The following SLC22A16 variants were observed in gnomAD, a reference collection of about 807,000 sequenced individuals.
SLC22A16 encodes WUGSC:RG331P03.1.
In SLC22A16, 53 loss-of-function variants were observed where a neutral mutation model predicts 52.9. That is an observed-to-expected ratio of 1.00 (90% CI 0.80 to 1.26). The LOEUF (loss-of-function observed/expected upper bound fraction) is 1.26. Among genes scored for constraint, SLC22A16 ranks in the 50% most tolerant of loss-of-function variants. The pLI is 0.00. For missense variants in SLC22A16, 726 were observed against 704.0 expected, an observed-to-expected ratio of 1.03 and a Z score of -0.35; for synonymous variants, 291 against 268.8, an observed-to-expected ratio of 1.08 and a Z score of -0.81.
intron 3 of SLC22A16, among the ~76,000 whole-genome samples, chr6:110,445,105 T>C (rs7768417): frequency 0.29 from 44,657 of 151,980 alleles, 6,922 homozygotes; most frequent in East Asian, 0.43. Flanking sequence ...CCAGAATTCC[T>C]GGAATCCCTT....
chr6:110,468,046 T>C (rs1407646058), intron 1 of SLC22A16, among the ~76,000 whole-genome samples: 2 of 152,254 alleles, frequency 1.3e-5, no homozygotes, highest in Non-Finnish European at 2.9e-5. Context: ...ATTTGAAGTC[T>C]TGTGGCTATC....
At chr6:110,469,595 A>T (rs1362940574) in intron 1 of SLC22A16, among the ~76,000 whole-genome samples, 2 of 152,302 alleles carry the variant, frequency 1.3e-5, no homozygotes, top group Non-Finnish European at 2.9e-5. Context: ...ACTTTAAAGC[A>T]TGTTCACACT....
intron 1 of SLC22A16, among the ~76,000 whole-genome samples, chr6:110,463,882 T>C (rs1310548683): frequency 6.6e-6 from 1 of 151,282 alleles, no homozygotes; most frequent in Non-Finnish European, 1.5e-5. Context: ...ATTCACCATA[T>C]GCTTGCCCAT....
chr6:110,444,153 C>G (rs182701889), intron 3 of SLC22A16, among the ~76,000 whole-genome samples: 6 of 152,104 alleles, frequency 3.9e-5, no homozygotes, highest in African/African-American at 9.6e-5. Context: ...AGAAGGAAAA[C>G]TGGGGAAAAA....
Position 110,473,138 on chromosome 6 carries a change from C to T in SLC22A16, c.53+3384G>A, listed in dbSNP as rs139616020. Among the ~76,000 whole-genome samples the T allele has an allele frequency of 5.0e-3, 764 of 152,172 alleles. 2 individuals are homozygous for T. Among genetic ancestry groups the T allele is most frequent in the Middle Eastern group, 0.02 (6 of 294 alleles). ...ACATGGAAAGCACTCTATGACACAC[C>T]GTAGCTGTATATAAATGATAGATGT... is the stretch of plus-strand genomic sequence containing the variant. On this transcript the variant is annotated intron_variant, in intron 1 of 7. Transcript: ENST00000368919.
intron 7 of SLC22A16, among the ~76,000 whole-genome samples, chr6:110,430,683 C>T (rs1774460313): frequency 6.6e-6 from 1 of 152,250 alleles, no homozygotes; most frequent in Non-Finnish European, 1.5e-5. Context: ...GCAAATGGCT[C>T]ACACTGCTGG....
intron 1 of SLC22A16, among the ~76,000 whole-genome samples, chr6:110,467,451 C>T (rs1427964096): frequency 6.6e-6 from 1 of 152,134 alleles, no homozygotes; most frequent in Non-Finnish European, 1.5e-5. Flanking sequence ...CAACAGAAGT[C>T]CTATAAAAGG....
intron 2 of SLC22A16, among the ~76,000 whole-genome samples, chr6:110,450,038 A>G (rs1281989262): frequency 6.6e-6 from 1 of 152,112 alleles, no homozygotes; most frequent in Non-Finnish European, 1.5e-5. Flanking sequence ...GACAACTTCC[A>G]TTGATCATTC....
intron 2 of SLC22A16, chr6:110,453,779 A>G: frequency 2.2e-6 from 1 of 448,176 alleles, no homozygotes; most frequent in Non-Finnish European, 4.5e-6. Context: ...TGGATAATTT[A>G]TAAAGAAAAG....
intron 1 of SLC22A16, chr6:110,475,102 G>A (rs544183378): frequency 2.8e-5 from 12 of 430,562 alleles, no homozygotes; most frequent in Middle Eastern, 3.5e-4. Context: ...CGCCAGAGTG[G>A]GAACTTAGAC....
At chr6:110,430,866 G>A (rs1030781411) in intron 7 of SLC22A16, among the ~76,000 whole-genome samples, 1 of 152,218 alleles carries the variant, frequency 6.6e-6, no homozygotes, top group Non-Finnish European at 1.5e-5. Context: ...CCCTGAGGAG[G>A]ACAGAGACCA....
intron 2 of SLC22A16, among the ~76,000 whole-genome samples, chr6:110,447,978 T>G (rs886073582): frequency 8.5e-5 from 13 of 152,224 alleles, no homozygotes; most frequent in African/African-American, 2.4e-4. Flanking sequence ...AGATTTTGTG[T>G]GAACTTAGGT....
At chr6:110,441,040 A>G (rs1774945262) in intron 4 of SLC22A16, among the ~76,000 whole-genome samples, 1 of 152,234 alleles carries the variant, frequency 6.6e-6, no homozygotes, top group Non-Finnish European at 1.5e-5. Flanking sequence ...TTGATGCTTT[A>G]TGAAAAGTTT....
chr6:110,447,832 T>C (rs577824148), intron 2 of SLC22A16, among the ~76,000 whole-genome samples: 1 of 152,360 alleles, frequency 6.6e-6, no homozygotes, highest in South Asian at 2.1e-4. Flanking sequence ...GTAGCATGTA[T>C]TAGCACTTCA....
chr6:110,473,496 T>TCCC (rs1776337163), intron 1 of SLC22A16, among the ~76,000 whole-genome samples: 2 of 6,318 alleles, frequency 3.2e-4, no homozygotes, highest in Admixed American at 2.3e-3. Context: ...TTTCCCTTTT[T>TCCC]TTTTTTTTTT....
chr6:110,474,387 C>T (rs1479347988), intron 1 of SLC22A16, among the ~76,000 whole-genome samples: 2 of 152,196 alleles, frequency 1.3e-5, no homozygotes, highest in African/African-American at 4.8e-5. Flanking sequence ...ACTTTCCTTT[C>T]TGTTTATAAA....
intron 1 of SLC22A16, among the ~76,000 whole-genome samples, chr6:110,468,212 A>G (rs1283823755): frequency 6.6e-6 from 1 of 152,256 alleles, no homozygotes; most frequent in Non-Finnish European, 1.5e-5. Flanking sequence ...ATGAGAAAGA[A>G]CACACTAATT....
At chr6:110,472,777 G>A (rs1410727908) in intron 1 of SLC22A16, among the ~76,000 whole-genome samples, 1 of 152,180 alleles carries the variant, frequency 6.6e-6, no homozygotes, top group African/African-American at 2.4e-5. Context: ...TTATAGATAT[G>A]ACACTCTAAT....
intron 7 of SLC22A16, among the ~76,000 whole-genome samples, chr6:110,429,959 A>C (rs1436545129): frequency 1.3e-5 from 2 of 151,794 alleles, no homozygotes; most frequent in Non-Finnish European, 2.9e-5. Context: ...CTGAGTCTGG[A>C]GAGGAGGGGA....
Sources: allele counts gnomAD v4.1 joint callset (sites outside exome capture counted in the v4.1 genomes callset), GRCh38; gene constraint gnomAD v4.1.1; transcripts MANE v1.5; gene names NCBI Gene and HGNC (gene_info 2026-07-23, HGNC 2026-07-21).